ADARB2: variants seen among roughly 807,000 people sequenced by gnomAD.
ADARB2 encodes the protein adenosine deaminase RNA specific B2 (inactive).
In ADARB2, 25 loss-of-function variants were observed where a neutral mutation model predicts 62.2. The ratio of observed to expected loss-of-function variants is 0.40; its 90% CI spans 0.29 to 0.56. The LOEUF is 0.56. ADARB2 is among the 20% of genes least tolerant of loss of function. The pLI, the probability that ADARB2 is intolerant of heterozygous loss-of-function variation, is 0.43. For missense variants in ADARB2, 1,071 were observed against 1,077.4 expected (o/e 0.99, Z 0.08); for synonymous variants, 572 against 500.8 (o/e 1.14, Z -1.90).
intron 1 of ADARB2, among the ~76,000 whole-genome samples, chr10:1,594,594 A>AG (rs1332341225): frequency 6.6e-6 from 1 of 152,196 alleles, no homozygotes; most frequent in South Asian, 2.1e-4. Flanking sequence ...GCTCCAGCAC[A>AG]GGGCCTCAGA....
intron 1 of ADARB2, among the ~76,000 whole-genome samples, chr10:1,421,185 G>C (rs1454393749): frequency 6.6e-6 from 1 of 151,982 alleles, no homozygotes; most frequent in Non-Finnish European, 1.5e-5. Flanking sequence ...CCGGACCAAA[G>C]GGGCCCTCTG....
At chr10:1,214,154 A>AC (rs1564222968) in intron 7 of ADARB2, among the ~76,000 whole-genome samples, 1 of 75,920 alleles carries the variant, frequency 1.3e-5, no homozygotes, top group Non-Finnish European at 2.6e-5. Flanking sequence ...TGTCCAGCGT[A>AC]GTGTAGGTTT....
At chr10:1,300,690 T>C (rs958120452) in intron 3 of ADARB2, among the ~76,000 whole-genome samples, 4 of 152,218 alleles carry the variant, frequency 2.6e-5, no homozygotes, top group Non-Finnish European at 4.4e-5. Flanking sequence ...TCAGTAAATA[T>C]TCACTGAAAA....
chr10:1,212,667 C>A (rs879390425), intron 7 of ADARB2, among the ~76,000 whole-genome samples: 18 of 151,452 alleles, frequency 1.2e-4, no homozygotes, highest in Non-Finnish European at 2.5e-4. Context: ...TGGCAGACAC[C>A]CTGCAGCTGA....
intron 1 of ADARB2, among the ~76,000 whole-genome samples, chr10:1,673,989 CA>C (rs1834428752): frequency 6.6e-6 from 1 of 152,182 alleles, no homozygotes; most frequent in Non-Finnish European, 1.5e-5. Context: ...GTTAAATGTG[CA>C]AAACTGAGAA....
At chr10:1,186,149 G>A (rs1189602351) in intron 8 of ADARB2, among the ~76,000 whole-genome samples, 1 of 152,236 alleles carries the variant, frequency 6.6e-6, no homozygotes, top group Non-Finnish European at 1.5e-5. Context: ...ATTTGGCAAT[G>A]TGACCCTCGG....
chr10:1,547,380 AC>A, intron 1 of ADARB2, among the ~76,000 whole-genome samples: 1 of 88,408 alleles, frequency 1.1e-5, no homozygotes, highest in Non-Finnish European at 2.2e-5. Context: ...AGGTCTATGT[AC>A]TGTGTTGGGG....
intron 1 of ADARB2, among the ~76,000 whole-genome samples, chr10:1,671,267 C>G (rs558389296): frequency 6.6e-5 from 10 of 152,340 alleles, no homozygotes; most frequent in African/African-American, 2.2e-4. Flanking sequence ...TGCTCCGCTC[C>G]TCTTCCTCCT....
At chr10:1,526,427 G>A (rs1351059670) in intron 1 of ADARB2, among the ~76,000 whole-genome samples, 1 of 152,056 alleles carries the variant, frequency 6.6e-6, no homozygotes, top group Non-Finnish European at 1.5e-5. Context: ...GTTGGAGGTG[G>A]GGCCTGGTGG....
At chr10:1,555,374 A>G (rs1284892890) in intron 1 of ADARB2, among the ~76,000 whole-genome samples, 1 of 152,206 alleles carries the variant, frequency 6.6e-6, no homozygotes, top group Non-Finnish European at 1.5e-5. Context: ...CCTCACAAGC[A>G]TCTTATTTTT....
intron 1 of ADARB2, among the ~76,000 whole-genome samples, chr10:1,587,542 A>AT (rs35071728): frequency 3.3e-5 from 5 of 151,002 alleles, no homozygotes; most frequent in South Asian, 2.1e-4. Flanking sequence ...TGTTGTTTTG[A>AT]TTTTTTTTTT....
chr10:1,465,536 C>T (rs1831243638), intron 1 of ADARB2, among the ~76,000 whole-genome samples: 1 of 152,234 alleles, frequency 6.6e-6, no homozygotes, highest in African/African-American at 2.4e-5. Flanking sequence ...CAGTGAGCCC[C>T]AGAATCGCCC....
chr10:1,242,660 G>C (rs962616080), intron 4 of ADARB2, among the ~76,000 whole-genome samples: 7 of 152,216 alleles, frequency 4.6e-5, no homozygotes, highest in Admixed American at 4.6e-4. Flanking sequence ...AGCAGTGCTA[G>C]CTGCGGCCTG....
Position 1,682,950 on chromosome 10 carries a change from C to T in ADARB2, c.100+54101G>A, listed in dbSNP as rs186871244. Among the ~76,000 whole-genome samples, 563 of 152,282 alleles carry T rather than the reference C, an allele frequency of 3.7e-3. 1 individual carries two copies. Among genetic ancestry groups the T allele is most frequent in the African/African-American group, 0.013 (534 of 41,548 alleles). On this transcript the variant is annotated intron_variant, in intron 1 of 9. Transcript: ENST00000381312. The stretch of plus-strand genomic sequence containing the variant: ...CTGATACAGCTCTTTAAACACAGCC[C>T]GAATGCCGGCGGTAACACAGCACCG...
At chr10:1,195,313 C>A (rs1199218007) in intron 8 of ADARB2, among the ~76,000 whole-genome samples, 1 of 152,060 alleles carries the variant, frequency 6.6e-6, no homozygotes, top group East Asian at 1.9e-4. Flanking sequence ...TGGTGCAGTC[C>A]CATGGGGAGT....
chr10:1,269,945 G>A (rs914319241), intron 4 of ADARB2, among the ~76,000 whole-genome samples: 1 of 152,144 alleles, frequency 6.6e-6, no homozygotes, highest in African/African-American at 2.4e-5. Context: ...GGGTGGGGCT[G>A]GTATATTTAT....
At chr10:1,682,135 A>G (rs985154503) in intron 1 of ADARB2, among the ~76,000 whole-genome samples, 2 of 152,140 alleles carry the variant, frequency 1.3e-5, no homozygotes, top group African/African-American at 4.8e-5. Context: ...TCATGAAGGG[A>G]AGAGTTGCAG....
At chr10:1,205,942 AGGTGGGGTCACGGGGCAGCCCGT>A (rs1435672183) in intron 7 of ADARB2, among the ~76,000 whole-genome samples, 3 of 141,420 alleles carry the variant, frequency 2.1e-5, no homozygotes, top group African/African-American at 8.1e-5. Context: ...CGCTGGGGTC[AGGTGGGGTCACGGGGCAGCCCGT>A]TGGGGTCAGG....
At chr10:1,474,002 G>A (rs1012092348) in intron 1 of ADARB2, among the ~76,000 whole-genome samples, 24 of 150,166 alleles carry the variant, frequency 1.6e-4, no homozygotes, top group African/African-American at 2.7e-4. Context: ...CCCGGATCAC[G>A]GGGGAGCCCT....
Sources: gnomAD v4.1 joint callset for allele counts (sites outside exome capture counted in the v4.1 genomes callset) on GRCh38, gnomAD v4.1.1 for gene constraint, MANE v1.5 for transcripts, NCBI Gene and HGNC (gene_info 2026-07-23, HGNC 2026-07-21) for gene names.